ENTHD1: variants seen among roughly 807,000 people sequenced by gnomAD.
ENTHD1 encodes ENTH domain containing 1.
A neutral mutation model predicts 39.1 loss-of-function variants in ENTHD1; 23 were observed. That is an observed-to-expected ratio of 0.59 (90% CI 0.42 to 0.83). ENTHD1 has a LOEUF of 0.83. Among genes scored for constraint, ENTHD1 ranks in the 40% least tolerant of loss-of-function variants. ENTHD1 has a pLI of 0.00. For synonymous variants in ENTHD1, 230 were observed against 258.2 expected, an observed-to-expected ratio of 0.89 and a Z score of 1.05; for missense variants, 624 against 705.4, an observed-to-expected ratio of 0.88 and a Z score of 1.31.
chr22:39,816,888 C>CTATGT (rs2065737772), intron 5 of ENTHD1, among the ~76,000 whole-genome samples: 2 of 150,928 alleles, frequency 1.3e-5, no homozygotes, highest in South Asian at 4.2e-4. Flanking sequence ...GAGAAAGAAT[C>CTATGT]AGATATCTAT....
At chr22:39,800,259 C>G (rs1210534099) in intron 5 of ENTHD1, among the ~76,000 whole-genome samples, 1 of 152,182 alleles carries the variant, frequency 6.6e-6, no homozygotes, top group Non-Finnish European at 1.5e-5. Flanking sequence ...TTAGGTGTTT[C>G]CTGTCATTTC....
At chr22:39,806,643 C>G (rs2065642884) in intron 5 of ENTHD1, among the ~76,000 whole-genome samples, 1 of 152,116 alleles carries the variant, frequency 6.6e-6, no homozygotes, top group South Asian at 2.1e-4. Flanking sequence ...AGCCCTTGCT[C>G]TCAAAAAACT....
intron 2 of ENTHD1, among the ~76,000 whole-genome samples, chr22:39,876,548 T>C (rs1030436211): frequency 6.9e-6 from 1 of 145,152 alleles, no homozygotes; most frequent in Non-Finnish European, 1.5e-5. Context: ...ATTCAAAAAG[T>C]AGTTGCCTCT....
At chr22:39,812,831 G>A (rs763120442) in intron 5 of ENTHD1, among the ~76,000 whole-genome samples, 2 of 152,130 alleles carry the variant, frequency 1.3e-5, no homozygotes, top group Non-Finnish European at 2.9e-5. Context: ...CGCCCAGGCT[G>A]CAGTGCAGTG....
intron 4 of ENTHD1, among the ~76,000 whole-genome samples, chr22:39,831,396 G>C (rs970613896): frequency 6.6e-6 from 1 of 152,048 alleles, no homozygotes; most frequent in Non-Finnish European, 1.5e-5. Flanking sequence ...CTGTTAAGCA[G>C]GAAGGAGAAA....
At chr22:39,791,934 C>T (rs1184228480) in intron 5 of ENTHD1, among the ~76,000 whole-genome samples, 2 of 151,962 alleles carry the variant, frequency 1.3e-5, no homozygotes, top group Non-Finnish European at 2.9e-5. Context: ...TCCTCTCTTT[C>T]TGTCCATGTG....
intron 5 of ENTHD1, among the ~76,000 whole-genome samples, chr22:39,775,751 T>C (rs2065360707): frequency 1.3e-5 from 2 of 152,192 alleles, no homozygotes; most frequent in East Asian, 3.9e-4. Flanking sequence ...CTGGCCTCTG[T>C]ATCTGTGCTG....
intron 5 of ENTHD1, among the ~76,000 whole-genome samples, chr22:39,790,270 G>A (rs571586271): frequency 3.9e-5 from 6 of 152,284 alleles, no homozygotes; most frequent in Non-Finnish European, 8.8e-5. Flanking sequence ...GAGAAGCAGG[G>A]TCACAGGTTA....
At chr22:39,773,748 A>C (rs2065345715) in intron 5 of ENTHD1, among the ~76,000 whole-genome samples, 1 of 152,210 alleles carries the variant, frequency 6.6e-6, no homozygotes, top group African/African-American at 2.4e-5. Flanking sequence ...GAGACCAATG[A>C]AATAATTCAG....
chr22:39,797,095 A>G (rs907546750), intron 5 of ENTHD1, among the ~76,000 whole-genome samples: 1 of 152,160 alleles, frequency 6.6e-6, no homozygotes, highest in Non-Finnish European at 1.5e-5. Context: ...TGCTCAATTA[A>G]TCCCTTTATC....
intron 2 of ENTHD1, among the ~76,000 whole-genome samples, chr22:39,869,699 T>C (rs2066222668): frequency 6.6e-6 from 1 of 151,676 alleles, no homozygotes; most frequent in South Asian, 2.1e-4. Flanking sequence ...TCAATGTTTC[T>C]ATAGGATCTT....
At chr22:39,830,230 C>A (rs2146666763) in intron 4 of ENTHD1, among the ~76,000 whole-genome samples, 1 of 152,194 alleles carries the variant, frequency 6.6e-6, no homozygotes, top group South Asian at 2.1e-4. Flanking sequence ...TACACACCAC[C>A]ACGCCCGGTA....
intron 5 of ENTHD1, among the ~76,000 whole-genome samples, chr22:39,797,379 G>A: frequency 6.6e-6 from 1 of 152,186 alleles, no homozygotes; most frequent in Admixed American, 6.5e-5. Context: ...TATTGATAAT[G>A]TGAGGACTTA....
chr22:39,848,508 T>C (rs1195325724), intron 3 of ENTHD1, among the ~76,000 whole-genome samples: 2 of 152,184 alleles, frequency 1.3e-5, no homozygotes, highest in South Asian at 2.1e-4. Flanking sequence ...TACCTTGGCC[T>C]CCCAAAGTGC....
intron 6 of ENTHD1, chr22:39,750,723 T>G (rs1398888381): frequency 6.6e-6 from 1 of 152,506 alleles, no homozygotes; most frequent in Non-Finnish European, 1.5e-5. Context: ...TATACTCTGT[T>G]CCTTTGTAGA....
At chr22:39,879,241 T>C (rs2066315054) in intron 2 of ENTHD1, among the ~76,000 whole-genome samples, 1 of 151,612 alleles carries the variant, frequency 6.6e-6, no homozygotes, top group African/African-American at 2.4e-5. Flanking sequence ...GGCGGGCGGA[T>C]CACGAGGTCA....
chr22:39,799,433 A>G (rs924402252), intron 5 of ENTHD1, among the ~76,000 whole-genome samples: 1 of 152,192 alleles, frequency 6.6e-6, no homozygotes, highest in Non-Finnish European at 1.5e-5. Context: ...GCTAAAATCC[A>G]GGTTCTTGTC....
intron 5 of ENTHD1, among the ~76,000 whole-genome samples, chr22:39,777,824 A>C (rs932362748): frequency 6.6e-6 from 1 of 152,234 alleles, no homozygotes; most frequent in African/African-American, 2.4e-5. Context: ...TTATAGTTAT[A>C]AAAATGAAAG....
Position 39,867,823 on chromosome 22 carries a change from A to C in ENTHD1, c.350-5816T>G, listed in dbSNP as rs184368540. On this transcript the variant is annotated intron_variant, in intron 2 of 6. Coordinates refer to ENST00000325157, the MANE Select transcript of ENTHD1 (RefSeq NM_152512.4). This position sits in a 1 kb window ranked among gnomAD's most constrained non-coding sequence, Gnocchi z 4.5. The stretch of plus-strand genomic sequence containing the variant: ...AAAAAATCCCTCCAGTCAAGTTGAC[A>C]CAGTAAGTTCATGCTTCAAAGTATC... Among the ~76,000 whole-genome samples, 44 of 152,188 alleles carry C rather than the reference A, an allele frequency of 2.9e-4. No individual in the cohort carries two copies. The highest frequency in any genetic ancestry group is 1.0e-3 in the African/African-American group (43 of 41,432).
Sources: allele counts gnomAD v4.1 joint callset (sites outside exome capture counted in the v4.1 genomes callset), GRCh38; gene constraint gnomAD v4.1.1; non-coding constraint Gnocchi (gnomAD v3.1); transcripts MANE v1.5; gene names NCBI Gene and HGNC (gene_info 2026-07-23, HGNC 2026-07-21).